FMN1: variants seen among roughly 807,000 people sequenced by gnomAD.
FMN1 encodes the protein formin-1.
Under a neutral mutation model 132.4 loss-of-function variants are expected in FMN1, and 110 were observed. The observed-to-expected ratio is 0.83, with a 90% confidence interval of 0.71 to 0.97. The LOEUF is 0.97. FMN1 is among the 50% of genes least tolerant of loss of function. The pLI is 0.00. For missense variants in FMN1, 1,792 were observed against 1,705.3 expected (o/e 1.05, Z -0.90); for synonymous variants, 722 against 651.7 (o/e 1.11, Z -1.64).
intron 10 of FMN1, among the ~76,000 whole-genome samples, chr15:32,920,894 A>C (rs1388742875): frequency 6.6e-6 from 1 of 152,180 alleles, no homozygotes; most frequent in Non-Finnish European, 1.5e-5. Context: ...TTTGTCATTT[A>C]TCATCTGAAC....
At chr15:32,780,640 T>C (rs1158520141) in intron 19 of FMN1, among the ~76,000 whole-genome samples, 1 of 152,164 alleles carries the variant, frequency 6.6e-6, no homozygotes, top group Non-Finnish European at 1.5e-5. Context: ...TCCTTTCTTG[T>C]GTGAGATCCA....
rs567438973 is a variant in FMN1, at chr15:32,968,027, A to G, written c.2987+687T>C. On this transcript the variant is annotated intron_variant, in intron 8 of 20. Coordinates refer to ENST00000616417, the MANE Select transcript of FMN1 (RefSeq NM_001277313.2). ...TTTGAATGGATGTTTCCAAGCAACT[A>G]TATCTTGCTGCTTTACAAACCCAGC... Among the ~76,000 whole-genome samples the G allele has an allele frequency of 7.2e-5, 11 of 152,358 alleles. No homozygotes were observed. The South Asian group carries it at 1.2e-3, about 17-fold the overall frequency.
intron 4 of FMN1, chr15:33,151,169 C>T (rs1416108629): frequency 4.0e-6 from 6 of 1,484,624 alleles, no homozygotes; most frequent in Middle Eastern, 1.8e-4. Context: ...TCCCTCATGC[C>T]TTTCAAAGTA....
intron 4 of FMN1, chr15:33,150,101 C>G (rs905656840): frequency 2.0e-6 from 2 of 985,338 alleles, no homozygotes; most frequent in African/African-American, 3.5e-5. Context: ...CACAGGATTA[C>G]TCAAGAGCAT....
At chr15:32,901,629 G>C (rs2060298659) in intron 13 of FMN1, among the ~76,000 whole-genome samples, 1 of 152,152 alleles carries the variant, frequency 6.6e-6, no homozygotes, top group South Asian at 2.1e-4. Flanking sequence ...TTGGTTTTTA[G>C]TGGCCAGTAT....
chr15:32,792,415 A>G (rs537179496), intron 19 of FMN1, among the ~76,000 whole-genome samples: 83 of 152,104 alleles, frequency 5.5e-4, no homozygotes, highest in African/African-American at 2.0e-3. Flanking sequence ...ACTGCACTCC[A>G]GCCTGGGCGA....
At chr15:33,040,976 T>C (rs1306267434) in intron 6 of FMN1, among the ~76,000 whole-genome samples, 1 of 152,216 alleles carries the variant, frequency 6.6e-6, no homozygotes, top group African/African-American at 2.4e-5. Flanking sequence ...TCGCCTTATC[T>C]TGAATTCAAA....
chr15:32,820,319 C>T (rs1217467203), intron 17 of FMN1, among the ~76,000 whole-genome samples: 1 of 152,164 alleles, frequency 6.6e-6, no homozygotes, highest in East Asian at 1.9e-4. Flanking sequence ...AACAGACAGG[C>T]CACTTTTTCT....
At position 32,785,157 on chromosome 15, in the gene FMN1, C is replaced by T. The variant is rs549852443; in HGVS notation, c.4131-8238G>A. Reference sequence around the variant, plus strand: ...AGGGGTGTGTGTGTGTGTGTGTATACGTACGTGTGTGTGTGTGTGTGTGTG... The same window carrying T: ...AGGGGTGTGTGTGTGTGTGTGTATATGTACGTGTGTGTGTGTGTGTGTGTG... On this transcript the variant is annotated intron_variant, in intron 19 of 20. Coordinates refer to ENST00000616417, the MANE Select transcript of FMN1 (RefSeq NM_001277313.2). Among the ~76,000 whole-genome samples, 569 of 72,746 alleles carry T rather than the reference C, an allele frequency of 7.8e-3. 2 individuals carry two copies. The highest frequency in any genetic ancestry group is 0.02 in the Middle Eastern group (2 of 98). 47.7% of individuals were successfully genotyped at this position (72,746 alleles called of 152,430 possible).
At chr15:32,835,399 T>C (rs920641023) in intron 17 of FMN1, among the ~76,000 whole-genome samples, 2 of 152,058 alleles carry the variant, frequency 1.3e-5, no homozygotes, top group Admixed American at 6.6e-5. Context: ...ACCAACCAGG[T>C]TTCTGCTGCC....
At chr15:32,958,078 A>G (rs1212347640) in intron 9 of FMN1, among the ~76,000 whole-genome samples, 1 of 152,214 alleles carries the variant, frequency 6.6e-6, no homozygotes, top group Non-Finnish European at 1.5e-5. Context: ...GAAAAACACC[A>G]GCTCCAAATC....
chr15:32,816,523 A>G (rs2058064281), intron 17 of FMN1, among the ~76,000 whole-genome samples: 1 of 152,220 alleles, frequency 6.6e-6, no homozygotes. Flanking sequence ...TAATATAATC[A>G]GAAAAAGAAA....
intron 6 of FMN1, among the ~76,000 whole-genome samples, chr15:33,019,999 C>T (rs1479769238): frequency 1.3e-5 from 2 of 152,190 alleles, no homozygotes; most frequent in African/African-American, 2.4e-5. Flanking sequence ...CGAGAGCGAG[C>T]GAGGGCTGCC....
chr15:33,159,058 C>T (rs903835818), intron 3 of FMN1, among the ~76,000 whole-genome samples: 5 of 152,074 alleles, frequency 3.3e-5, no homozygotes, highest in South Asian at 4.2e-4. Flanking sequence ...GGCACATGCC[C>T]GTAATCCCAG....
intron 9 of FMN1, among the ~76,000 whole-genome samples, chr15:32,946,021 T>C (rs2061503028): frequency 6.6e-6 from 1 of 152,198 alleles, no homozygotes; most frequent in South Asian, 2.1e-4. Context: ...GCCATATTGC[T>C]TCCAACAGGT....
chr15:32,856,010 C>T (rs2059123630), intron 17 of FMN1, among the ~76,000 whole-genome samples: 1 of 152,152 alleles, frequency 6.6e-6, no homozygotes. Flanking sequence ...TCAATACAGA[C>T]AACCTTTCAT....
chr15:33,115,858 C>T (rs1281860449), intron 4 of FMN1, among the ~76,000 whole-genome samples: 1 of 152,150 alleles, frequency 6.6e-6, no homozygotes, highest in African/African-American at 2.4e-5. Flanking sequence ...ACCTTAGCAG[C>T]TTCCAATGAG....
intron 16 of FMN1, among the ~76,000 whole-genome samples, chr15:32,884,370 C>T (rs959486705): frequency 1.2e-4 from 19 of 152,266 alleles, no homozygotes; most frequent in African/African-American, 4.3e-4. Flanking sequence ...AAGCCAGCGA[C>T]ATTACATCTC....
At chr15:33,172,069 G>A (rs556645063) in intron 3 of FMN1, among the ~76,000 whole-genome samples, 12 of 152,184 alleles carry the variant, frequency 7.9e-5, no homozygotes, top group East Asian at 3.9e-4. Flanking sequence ...TTAGCCGGGC[G>A]TGGTGGCGGG....
Sources: gnomAD v4.1 joint callset for allele counts (sites outside exome capture counted in the v4.1 genomes callset) on GRCh38, gnomAD v4.1.1 for gene constraint, MANE v1.5 for transcripts, NCBI Gene and HGNC (gene_info 2026-07-23, HGNC 2026-07-21) for gene names.